Variants in RUBCN observed in about 807,000 individuals in gnomAD.
RUBCN encodes the protein run domain Beclin-1-interacting and cysteine-rich domain-containing protein.
RUBCN carries 74 observed loss-of-function variants against 113.2 expected under a neutral mutation model. That is an observed-to-expected ratio of 0.65 (90% CI 0.54 to 0.79). The LOEUF is 0.79. RUBCN is among the 30% of genes least tolerant of loss of function. The probability of loss-of-function intolerance (pLI) is 0.00; values close to 1 mark genes in which losing one functional copy is unlikely to be tolerated. For missense variants in RUBCN, 1,109 were observed against 1,251.7 expected, an observed-to-expected ratio of 0.89 and a Z score of 1.72; for synonymous variants, 480 against 490.0, an observed-to-expected ratio of 0.98 and a Z score of 0.27.
intron 2 of RUBCN, among the ~76,000 whole-genome samples, chr3:197,709,955 G>T (rs898561480): frequency 6.6e-6 from 1 of 151,878 alleles, no homozygotes; most frequent in Non-Finnish European, 1.5e-5. Context: ...CGGATCACTT[G>T]AAGTCAGGAG....
chr3:197,717,915 T>A, intron 2 of RUBCN, 62 bp downstream of exon 2: 1 of 1,598,346 alleles, frequency 6.3e-7, no homozygotes, highest in South Asian at 1.1e-5. Flanking sequence ...TCCCTGCCAA[T>A]GCGACTGTTT....
intron 1 of RUBCN, among the ~76,000 whole-genome samples, chr3:197,735,856 C>T (rs116146926): frequency 6.1e-4 from 93 of 152,266 alleles, no homozygotes; most frequent in Admixed American, 2.5e-3. Context: ...CCCCAAGGTG[C>T]TGGAATTACA....
rs542802786 is a variant in RUBCN, at chr3:197,681,021, G to A, written c.2430+108C>T. On this transcript the variant is annotated intron_variant, in intron 16 of 19. Transcript: ENST00000296343. The surrounding 1 kb of genome is among the most constrained non-coding windows in gnomAD (Gnocchi z 5.5). ...AGGAGACGAGGGGAGGGGATGGGGGGAGGGGACAAGAGGAGGGGATGGGGG... is the reference window on the plus strand; with the variant it reads ...AGGAGACGAGGGGAGGGGATGGGGGAAGGGGACAAGAGGAGGGGATGGGGG... 1,575 of 652,642 alleles carry A rather than the reference G, an allele frequency of 2.4e-3. 9 individuals are homozygous for A. Among genetic ancestry groups the A allele is most frequent in the South Asian group, 5.5e-3 (351 of 63,410 alleles). The allele number at this position is 652,642 out of a possible 1,614,324, so 40.4% of individuals were successfully genotyped here.
At chr3:197,738,834 C>T (rs1728376121), upstream of RUBCN, among the ~76,000 whole-genome samples, 1 of 152,066 alleles carries the variant, frequency 6.6e-6, no homozygotes. Flanking sequence ...TCAAGCAGTC[C>T]TCCTGCCTCA....
In RUBCN at chr3:197,736,734, C is replaced by T. The variant is rs1194678347; in HGVS notation, c.-15G>A. ...TCCGGCCGCATCCGGGGCGGTGAGG[C>T]CGCCTCTTCGCCCAAGAGAGGCGTC... On this transcript the variant is annotated 5_prime_UTR_variant, in exon 1 of 20. Transcript: ENST00000296343. 6.5e-7 allele frequency: 1 copy of T among 1,528,340 alleles called. No homozygotes were observed. The highest frequency in any genetic ancestry group is 1.4e-5 in the African/African-American group (1 of 71,896). The allele number at this position is 1,528,340 out of a possible 1,614,324, so 94.7% of individuals were successfully genotyped here.
At chr3:197,726,367 C>T (rs1447947687) in intron 1 of RUBCN, among the ~76,000 whole-genome samples, 1 of 151,774 alleles carries the variant, frequency 6.6e-6, no homozygotes, top group Non-Finnish European at 1.5e-5. Flanking sequence ...CTGCCTCAGC[C>T]TCCCAGGTAG....
intron 1 of RUBCN, among the ~76,000 whole-genome samples, chr3:197,722,764 A>G (rs1196037253): frequency 6.6e-6 from 1 of 152,106 alleles, no homozygotes; most frequent in African/African-American, 2.4e-5. Context: ...TTTCTCTGAT[A>G]TAAGTATAGC....
chr3:197,691,375 C>T (rs1055518253), intron 11 of RUBCN, among the ~76,000 whole-genome samples: 12 of 152,158 alleles, frequency 7.9e-5, no homozygotes, highest in Admixed American at 3.9e-4. Flanking sequence ...CAGTGGTTCT[C>T]AGCCACGGGT....
Position 197,693,780 on chromosome 3 carries a change from G to A in RUBCN, c.1721C>T (p.Ser574Leu). The A allele has an allele frequency of 6.2e-7, 1 of 1,614,126 alleles. No homozygotes were observed. The highest frequency in any genetic ancestry group is 1.3e-5 in the African/African-American group (1 of 75,048). ...GTCAGAGAGCTGTGCCGAATCACGT[G>A]AGCTGAACTGGGAGCTGCTGGAGGT... ...RVTSSSSQFSSRDSAQLSDSG... is the reference protein window; with the variant it reads ...RVTSSSSQFSLRDSAQLSDSG... The change falls in exon 11 of 20, where the codon TCA becomes TTA. Residue 574 changes from serine to leucine, a missense_variant. This residue lies in a region of RUBCN where 736 missense variants were observed against 779.6 expected (regional missense o/e 0.94). Transcript: ENST00000296343.
Position 197,705,080 on chromosome 3 carries a change from TCTCA to T in RUBCN, c.303+8_303+11del, listed in dbSNP as rs761066131. ...AGCTCTGCCAGCACAGCCGCTCTGC[TCTCA>T]CTCTTACCTTCTCCACGTGAAGGGC... On this transcript the variant is annotated splice_region_variant and intron_variant, in intron 3 of 19. Transcript: ENST00000296343. 3 of 1,608,374 alleles carry T rather than the reference TCTCA, an allele frequency of 1.9e-6. No individual in the cohort carries two copies. The highest frequency in any genetic ancestry group is 2.2e-5 in the East Asian group (1 of 44,858).
rs529065716 is a variant in RUBCN, at chr3:197,736,843, T to C, written c.-124A>G. The C allele has an allele frequency of 4.1e-5, 57 of 1,391,970 alleles. No individual in the cohort carries two copies. In the South Asian group the frequency reaches 8.1e-4, roughly 20 times the overall value. 86.2% of individuals were successfully genotyped at this position (1,391,970 alleles called of 1,614,324 possible). On this transcript the variant is annotated 5_prime_UTR_variant, in exon 1 of 20. Coordinates refer to ENST00000296343, the MANE Select transcript of RUBCN (RefSeq NM_014687.4). ...GGCCGGTGGGCTCCGGGTGATGCGC[T>C]ACACCCGGGCGGCGACAGCGGGAGG...
At chr3:197,723,856 G>T (rs1726437683) in intron 1 of RUBCN, among the ~76,000 whole-genome samples, 1 of 151,868 alleles carries the variant, frequency 6.6e-6, no homozygotes, top group South Asian at 2.1e-4. Context: ...GCACTTTGAG[G>T]GGCTGAGGCA....
rs1302563818 is a variant in RUBCN, at chr3:197,701,747, A to G, written c.688T>C (p.Phe230Leu). Reference sequence around the variant, plus strand: ...GGCACGGATTGGTGGAGGCTAGAGAAGGACCCAAAGTAGGAATGCTGAGCA... The same window carrying G: ...GGCACGGATTGGTGGAGGCTAGAGAGGGACCCAAAGTAGGAATGCTGAGCA... ...SYAQHSYFGS[F>L]SSLHQSVPNN... Residue 230 changes from phenylalanine to leucine, a missense_variant, in exon 6 of 20, where the codon TTC (phenylalanine) becomes CTC (leucine). Transcript: ENST00000296343. 2 of 1,614,184 alleles carry G rather than the reference A, an allele frequency of 1.2e-6. No individual in the cohort carries two copies.
chr3:197,704,403 C>T, intron 4 of RUBCN, 139 bp downstream of exon 4: 2 of 837,130 alleles, frequency 2.4e-6, no homozygotes, highest in Non-Finnish European at 4.1e-6. Context: ...CATTGCACTC[C>T]AGCCTGGGTG....
At position 197,675,922 on chromosome 3, in the gene RUBCN, T is replaced by C. The variant is rs926537882; in HGVS notation, c.2647-407A>G. 1.3e-5 allele frequency among the ~76,000 whole-genome samples: 2 copies of C among 152,094 alleles called. No individual in the cohort carries two copies. The highest frequency in any genetic ancestry group is 2.4e-5 in the African/African-American group (1 of 41,414). On this transcript the variant is annotated intron_variant, in intron 18 of 19. Transcript: ENST00000296343. The surrounding 1 kb of genome is among the most constrained non-coding windows in gnomAD (Gnocchi z 4.4). ...CAGCTCCAAGCCTGGAGTCAGGTTGTAGTGAAGGATTTCCAGTTCCTCCCA... is the reference window on the plus strand; with the variant it reads ...CAGCTCCAAGCCTGGAGTCAGGTTGCAGTGAAGGATTTCCAGTTCCTCCCA...
At chr3:197,706,294 T>C (rs923606560) in intron 2 of RUBCN, among the ~76,000 whole-genome samples, 7 of 152,124 alleles carry the variant, frequency 4.6e-5, no homozygotes, top group Non-Finnish European at 1.0e-4. Flanking sequence ...AACAACCCAA[T>C]TGTTGTTTTT....
chr3:197,739,247 C>T (rs556882491), upstream of RUBCN, among the ~76,000 whole-genome samples: 14 of 140,146 alleles, frequency 1.0e-4, no homozygotes, highest in East Asian at 2.5e-3. Flanking sequence ...AAAAATTAGC[C>T]GGGCATGGTG....
In RUBCN at chr3:197,681,243, G is replaced by A. The variant is rs1223306832; in HGVS notation, c.2316C>T (p.Tyr772=). Residue 772 remains tyrosine (Y), a synonymous_variant, in exon 16 of 20, where the codon TAC becomes TAT. Coordinates refer to ENST00000296343, the MANE Select transcript of RUBCN (RefSeq NM_014687.4). The surrounding 1 kb of genome is among the most constrained non-coding windows in gnomAD (Gnocchi z 5.5). ...GCAGGTCCTTGGAGAAGTTGCTGAC[G>A]TAGTACTTGCTGAAGTCCCACTTGC... The part of the protein sequence containing the change: ...VLRKWDFSKY[Y]VSNFSKDLLI... 1.5e-5 allele frequency: 25 copies of A among 1,613,946 alleles called. No individual in the cohort carries two copies. Among genetic ancestry groups the A allele is most frequent in the East Asian group, 6.7e-5 (3 of 44,882 alleles).
intron 9 of RUBCN, among the ~76,000 whole-genome samples, chr3:197,695,040 C>A (rs1722851827): frequency 6.6e-6 from 1 of 152,244 alleles, no homozygotes. Context: ...AAGGGAACCG[C>A]AATCATGCAG....
Sources: allele counts gnomAD v4.1 joint callset (sites outside exome capture counted in the v4.1 genomes callset), GRCh38; gene constraint gnomAD v4.1.1; regional missense constraint gnomAD v4.1.1; non-coding constraint Gnocchi (gnomAD v3.1); transcripts MANE v1.5; gene names NCBI Gene and HGNC (gene_info 2026-07-23, HGNC 2026-07-21).